Variants in COL4A4 observed in about 807,000 individuals in gnomAD.
COL4A4 encodes the protein collagen alpha-4(IV) chain.
Under a neutral mutation model 192.9 loss-of-function variants are expected in COL4A4, and 105 were observed. The ratio of observed to expected loss-of-function variants is 0.54; its 90% CI spans 0.46 to 0.64. The LOEUF is 0.64. COL4A4 is among the 30% of genes least tolerant of loss of function. The probability of loss-of-function intolerance (pLI) is 0.00; values close to 1 mark genes in which losing one functional copy is unlikely to be tolerated. For synonymous variants in COL4A4, 762 were observed against 769.9 expected, an observed-to-expected ratio of 0.99 and a Z score of 0.17; for missense variants, 1,967 against 2,169.3, an observed-to-expected ratio of 0.91 and a Z score of 1.85.
chr2:227,011,949 A>G (rs1049873618), intron 45 of COL4A4, among the ~76,000 whole-genome samples: 1 of 152,200 alleles, frequency 6.6e-6, no homozygotes, highest in African/African-American at 2.4e-5. Flanking sequence ...AAAATACTGA[A>G]TAGGATGCAG....
the COL4A4 span, among the ~76,000 whole-genome samples, chr2:226,984,408 G>T: frequency 6.6e-6 from 1 of 152,216 alleles, no homozygotes; most frequent in Non-Finnish European, 1.5e-5. Context: ...TTGGCAGAGA[G>T]TGCAAGCTCT....
At chr2:227,110,783 G>A (rs1178503521) in intron 9 of COL4A4, among the ~76,000 whole-genome samples, 6 of 149,548 alleles carry the variant, frequency 4.0e-5, no homozygotes, top group African/African-American at 7.4e-5. Context: ...TTCCGGGTTC[G>A]AGTGATTCCC....
At chr2:226,975,336 C>T in the COL4A4 span, among the ~76,000 whole-genome samples, 1 of 152,120 alleles carries the variant, frequency 6.6e-6, no homozygotes, top group Admixed American at 6.5e-5. Context: ...TCACGTTGTA[C>T]ACCTTAAACT....
chr2:227,088,958 G>C (rs1370009005), intron 21 of COL4A4, 142 bp from the exon 22 acceptor site: 7 of 974,606 alleles, frequency 7.2e-6, no homozygotes, highest in Non-Finnish European at 1.1e-5. Flanking sequence ...AGCACGTGCT[G>C]TGGGGGCTGG....
At chr2:227,113,301 G>C (rs750707045) in intron 8 of COL4A4, among the ~76,000 whole-genome samples, 1 of 152,076 alleles carries the variant, frequency 6.6e-6, no homozygotes, top group Non-Finnish European at 1.5e-5. Flanking sequence ...TCTCTCAAAG[G>C]TTATTGATCT....
chr2:226,999,669 C>A (rs931590197), downstream of COL4A4, among the ~76,000 whole-genome samples: 1 of 152,128 alleles, frequency 6.6e-6, no homozygotes, highest in Non-Finnish European at 1.5e-5. Flanking sequence ...TAATAGAAAT[C>A]ATTAAATTTG....
intron 4 of COL4A4, among the ~76,000 whole-genome samples, chr2:227,133,847 C>T (rs915973543): frequency 2.7e-5 from 4 of 150,800 alleles, no homozygotes; most frequent in Non-Finnish European, 5.9e-5. Context: ...GCCAAGATAG[C>T]GCCACGACAC....
intron 26 of COL4A4, 70 bp downstream of exon 26, chr2:227,062,460 A>G (rs1465099880): frequency 6.1e-6 from 6 of 980,288 alleles, no homozygotes; most frequent in Non-Finnish European, 9.7e-6. Flanking sequence ...CTCTTGGTTT[A>G]TCTGTCTGGC....
At chr2:226,972,239 C>G in the COL4A4 span, among the ~76,000 whole-genome samples, 1 of 152,168 alleles carries the variant, frequency 6.6e-6, no homozygotes, top group African/African-American at 2.4e-5. Context: ...TCATCCATGT[C>G]CCTGCAAAGG....
chr2:227,045,870 A>G (rs1381052685), intron 35 of COL4A4, among the ~76,000 whole-genome samples: 3,130 of 91,120 alleles, frequency 0.034, 602 homozygotes, highest in South Asian at 0.062. Flanking sequence ...ATACACATAT[A>G]TATACATATA....
At chr2:227,060,328 T>A in intron 26 of COL4A4, 85 bp from the exon 27 acceptor site, 1 of 917,190 alleles carries the variant, frequency 1.1e-6, no homozygotes, top group Non-Finnish European at 1.7e-6. Flanking sequence ...TAAGTCTATG[T>A]TAAGTCCTTT....
intron 25 of COL4A4, among the ~76,000 whole-genome samples, chr2:227,068,181 C>T (rs1414532402): frequency 6.6e-6 from 1 of 150,410 alleles, no homozygotes; most frequent in East Asian, 2.0e-4. Flanking sequence ...GAAGTTGAAT[C>T]TCTGAATAGA....
At chr2:226,999,955 C>G (rs2149664526), downstream of COL4A4, among the ~76,000 whole-genome samples, 1 of 152,262 alleles carries the variant, frequency 6.6e-6, no homozygotes, top group East Asian at 1.9e-4. Flanking sequence ...TGTTTAGTGC[C>G]TGGATGAAAA....
chr2:227,077,717 G>T (rs911606522), intron 25 of COL4A4, among the ~76,000 whole-genome samples, 177 bp downstream of exon 25: 1 of 150,970 alleles, frequency 6.6e-6, no homozygotes, highest in African/African-American at 2.4e-5. Flanking sequence ...AAAAGAAGGA[G>T]GAGGGAGGAA....
At chr2:226,979,176 A>G in the COL4A4 span, among the ~76,000 whole-genome samples, 55 of 152,276 alleles carry the variant, frequency 3.6e-4, no homozygotes, top group East Asian at 9.1e-3. Flanking sequence ...AGAGCCCCCA[A>G]GAGGCCACTG....
chr2:227,047,126 T>A (rs940572691), intron 35 of COL4A4, among the ~76,000 whole-genome samples: 1 of 152,024 alleles, frequency 6.6e-6, no homozygotes, highest in African/African-American at 2.4e-5. Context: ...TGCATCATTT[T>A]AAATGATAGA....
intron 35 of COL4A4, among the ~76,000 whole-genome samples, chr2:227,047,015 A>G (rs1045145835): frequency 1.3e-5 from 2 of 152,092 alleles, no homozygotes; most frequent in Non-Finnish European, 2.9e-5. Context: ...TGATGGCTCA[A>G]CAATGGCGCA....
downstream of COL4A4, chr2:226,999,345 G>C (rs979457056): frequency 1.3e-5 from 2 of 152,092 alleles, no homozygotes; most frequent in African/African-American, 2.4e-5. Context: ...GCATTTGCTG[G>C]TAGAAATAGA....
At chr2:227,135,332 C>T (rs865870742) in intron 4 of COL4A4, among the ~76,000 whole-genome samples, 2 of 152,166 alleles carry the variant, frequency 1.3e-5, no homozygotes, top group African/African-American at 4.8e-5. Flanking sequence ...CTCCCCTCAG[C>T]CTGGAGCTCT....
Sources: allele counts gnomAD v4.1 joint callset (sites outside exome capture counted in the v4.1 genomes callset), GRCh38; gene constraint gnomAD v4.1.1; transcripts MANE v1.5; gene names NCBI Gene and HGNC (gene_info 2026-07-23, HGNC 2026-07-21).